CATSPERD: variants seen among roughly 807,000 people sequenced by gnomAD.
CATSPERD encodes cation channel sperm-associated auxiliary subunit delta.
CATSPERD carries 86 observed loss-of-function variants against 98.1 expected under a neutral mutation model. That is an observed-to-expected ratio of 0.88 (90% confidence interval 0.74 to 1.05). The LOEUF (loss-of-function observed/expected upper bound fraction) is 1.05, where lower values mean the gene tolerates loss of function less well. Ranked by LOEUF, CATSPERD falls within the 50% of genes least tolerant of loss-of-function variation. The pLI is 0.00. For synonymous variants in CATSPERD, 394 were observed against 390.2 expected (o/e 1.01, Z -0.12); for missense variants, 995 against 1,005.7 (o/e 0.99, Z 0.14).
In CATSPERD at chr19:5,748,179, C is replaced by T. The variant is rs373844202; in HGVS notation, c.828C>T (p.Val276=). The stretch of plus-strand genomic sequence containing the variant: ...TCCTAGGTCAGCTCGTCGACACCGT[C>T]CGGGTGAAAAAAGGAGACCAGACCT... ...SHNAGQLVDT[V]RVKKGDQTLF... is the part of the protein sequence containing the mutation. The change falls in exon 10 of 22, where the codon GTC becomes GTT. Residue 276 remains valine, a synonymous_variant. Coordinates refer to ENST00000381624, the MANE Select transcript of CATSPERD (RefSeq NM_152784.4). The T allele has an allele frequency of 1.1e-5, 18 of 1,613,776 alleles. No homozygotes were observed. The African/African-American group carries it at 2.1e-4, about 19-fold the overall frequency.
chr19:5,771,936 T>C (rs115422309), intron 19 of CATSPERD, among the ~76,000 whole-genome samples: 138 of 152,176 alleles, frequency 9.1e-4, no homozygotes, highest in African/African-American at 3.3e-3. Context: ...TATGACCTCA[T>C]ATAGCTTTTC....
At chr19:5,753,631 A>G (rs915532410) in intron 12 of CATSPERD, 10 of 388,266 alleles carry the variant, frequency 2.6e-5, no homozygotes, top group Non-Finnish European at 4.1e-5. Context: ...GCACTTTGGG[A>G]GGCCGAGATG....
intron 14 of CATSPERD, among the ~76,000 whole-genome samples, chr19:5,758,845 A>AC (rs1480986534): frequency 2.7e-5 from 4 of 150,540 alleles, no homozygotes; most frequent in African/African-American, 9.8e-5. Context: ...AATCACTTGA[A>AC]CCAGGGAGGT....
intron 9 of CATSPERD, among the ~76,000 whole-genome samples, chr19:5,746,445 T>C (rs1001758930): frequency 6.6e-6 from 1 of 152,010 alleles, no homozygotes; most frequent in African/African-American, 2.4e-5. Flanking sequence ...TCTTTTTTTT[T>C]TGAGACGGAG....
chr19:5,751,895 G>A (rs2056228559), intron 12 of CATSPERD, 72 bp downstream of exon 12: 4 of 1,400,242 alleles, frequency 2.9e-6, no homozygotes, highest in African/African-American at 1.4e-5. Context: ...GGGCATGGTG[G>A]TGCACGCCTG....
Position 5,767,316 on chromosome 19 carries a change from C to CAAA in CATSPERD, c.1560-836_1560-834dup, listed in dbSNP as rs35758861. ...TGGTTGACAGAGCGAGACTCTGTCT[C>CAAA]AAAAAAAAAAAAAAAAAAGCCAGAC... On this transcript the variant is annotated intron_variant, in intron 17 of 21. Transcript: ENST00000381624. Among the ~76,000 whole-genome samples, 95 of 78,454 alleles carry CAAA rather than the reference C, an allele frequency of 1.2e-3. 5 individuals are homozygous for CAAA. Among genetic ancestry groups the CAAA allele is most frequent in the African/African-American group, 1.6e-3 (28 of 17,938 alleles). The allele number at this position is 78,454 out of a possible 152,430, so 51.5% of individuals were successfully genotyped here.
intron 7 of CATSPERD, among the ~76,000 whole-genome samples, chr19:5,742,157 C>T (rs962313999): frequency 1.4e-5 from 2 of 143,040 alleles, no homozygotes. Flanking sequence ...CGTGTGTGAA[C>T]GTGTGTGTGC....
chr19:5,750,258 C>T (rs978388249), intron 11 of CATSPERD, among the ~76,000 whole-genome samples: 4 of 148,112 alleles, frequency 2.7e-5, no homozygotes, highest in Admixed American at 6.7e-5. Context: ...ACCATCCTGG[C>T]TAACACGGTG....
At chr19:5,724,998 T>A in intron 2 of CATSPERD, 136 bp downstream of exon 2, 1 of 812,362 alleles carries the variant, frequency 1.2e-6, no homozygotes, top group Admixed American at 2.0e-5. Flanking sequence ...TTTACAGTTC[T>A]TTCCCCTTTG....
chr19:5,748,957 T>C (rs2056151013), intron 10 of CATSPERD, 144 bp from the exon 11 acceptor site: 1 of 512,450 alleles, frequency 2.0e-6, no homozygotes, highest in South Asian at 1.8e-5. Flanking sequence ...CTCAAACTCC[T>C]GGCCTCAAGT....
chr19:5,765,358 C>G (rs1219409800), intron 16 of CATSPERD, among the ~76,000 whole-genome samples: 4 of 147,214 alleles, frequency 2.7e-5, no homozygotes, highest in Non-Finnish European at 2.9e-5. Context: ...CAATTGCTCT[C>G]TCTGTCTTCT....
chr19:5,731,631 A>C (rs1158617479), intron 4 of CATSPERD, among the ~76,000 whole-genome samples: 1 of 114,378 alleles, frequency 8.7e-6, no homozygotes, highest in Admixed American at 1.3e-4. Flanking sequence ...TGCGGACTGC[A>C]GTGGCGCAAT....
intron 16 of CATSPERD, among the ~76,000 whole-genome samples, chr19:5,763,677 C>A (rs2056484338): frequency 6.6e-6 from 1 of 151,760 alleles, no homozygotes; most frequent in African/African-American, 2.4e-5. Context: ...TGAAAGCAGG[C>A]AGTCACCATG....
intron 20 of CATSPERD, among the ~76,000 whole-genome samples, chr19:5,775,751 C>T (rs572186280): frequency 6.6e-6 from 1 of 151,498 alleles, no homozygotes; most frequent in South Asian, 2.1e-4. Flanking sequence ...CATATTATTA[C>T]TAATAGGCTT....
chr19:5,733,388 C>CTTCCTTTCTTTCTT (rs1191493519), intron 4 of CATSPERD, among the ~76,000 whole-genome samples: 1 of 144,146 alleles, frequency 6.9e-6, no homozygotes, highest in Non-Finnish European at 1.5e-5. Context: ...TCCCTCTCTG[C>CTTCCTTTCTTTCTT]CTCCTTCCTT....
rs1425805534 is a variant in CATSPERD, at chr19:5,746,000, C to T, written c.745C>T (p.Pro249Ser). ...TGGGACTCTAGACATCCTCATCGCCCCCGGCCAGAGAGGCATCCTGCTCCT... is the reference window on the plus strand; with the variant it reads ...TGGGACTCTAGACATCCTCATCGCCTCCGGCCAGAGAGGCATCCTGCTCCT... ...YNGTLDILIA[P>S]GQRGILLLWF... The change falls in exon 9 of 22, where the codon CCC becomes TCC. Residue 249 changes from proline to serine, a missense_variant. Physicochemically the swap from Pro to Ser is moderately conservative, Grantham distance 74. Around this residue, in one of 3 missense-constraint regions of CATSPERD, gnomAD observed 762 missense variants for 773.7 expected, o/e 0.98. Coordinates refer to ENST00000381624, the MANE Select transcript of CATSPERD (RefSeq NM_152784.4). The T allele has an allele frequency of 1.2e-6, 2 of 1,614,168 alleles. No homozygotes were observed. The highest frequency in any genetic ancestry group is 4.5e-5 in the East Asian group (2 of 44,876).
chr19:5,740,929 A>G (rs2145734492), intron 7 of CATSPERD, among the ~76,000 whole-genome samples: 1 of 151,696 alleles, frequency 6.6e-6, no homozygotes, highest in African/African-American at 2.4e-5. Context: ...TACCAAAAAT[A>G]TAACAATTAG....
At chr19:5,735,219 C>A (rs2055818824) in intron 5 of CATSPERD, among the ~76,000 whole-genome samples, 1 of 152,142 alleles carries the variant, frequency 6.6e-6, no homozygotes, top group African/African-American at 2.4e-5. Context: ...CTCACTGCAA[C>A]CTCTGCCTCC....
chr19:5,754,699 T>C (rs112465774), intron 13 of CATSPERD, among the ~76,000 whole-genome samples: 134 of 150,286 alleles, frequency 8.9e-4, no homozygotes, highest in African/African-American at 3.2e-3. Context: ...TGCCCAGCCA[T>C]TTCTATGTGT....
Sources: gnomAD v4.1 joint callset for allele counts (sites outside exome capture counted in the v4.1 genomes callset) on GRCh38, gnomAD v4.1.1 for gene constraint, gnomAD v4.1.1 regional missense constraint, MANE v1.5 for transcripts, NCBI Gene and HGNC (gene_info 2026-07-23, HGNC 2026-07-21) for gene names.